The following RHBDL2 variants were observed in gnomAD, a reference collection of about 807,000 sequenced individuals.
RHBDL2 encodes the protein rhomboid-related protein 2.
RHBDL2 carries 26 observed loss-of-function variants against 31.7 expected under a neutral mutation model. The ratio of observed to expected loss-of-function variants is 0.82; its 90% CI spans 0.60 to 1.14. RHBDL2 has a LOEUF of 1.14. RHBDL2 is among the 50% of genes most tolerant of loss of function. The pLI is 0.00. For synonymous variants in RHBDL2, 123 were observed against 127.2 expected, an observed-to-expected ratio of 0.97 and a Z score of 0.22; for missense variants, 336 against 364.4, an observed-to-expected ratio of 0.92 and a Z score of 0.63.
chr1:38,923,105 A>G (rs1643334719), intron 1 of RHBDL2, among the ~76,000 whole-genome samples: 1 of 152,152 alleles, frequency 6.6e-6, no homozygotes, highest in South Asian at 2.1e-4. Flanking sequence ...AAAAGAAAAA[A>G]AAAAGGCTGA....
At chr1:38,902,201 C>CTTTTTTTTTTTT (rs770169792) in intron 4 of RHBDL2, among the ~76,000 whole-genome samples, 44 of 92,822 alleles carry the variant, frequency 4.7e-4, no homozygotes, top group South Asian at 8.5e-4. Flanking sequence ...TTTTCTTTTT[C>CTTTTTTTTTTTT]TTTTTTTTTT....
intron 4 of RHBDL2, among the ~76,000 whole-genome samples, chr1:38,907,203 CCAAA>C (rs1396249475): frequency 1.3e-5 from 2 of 152,124 alleles, no homozygotes; most frequent in African/African-American, 2.4e-5. Flanking sequence ...TATCTTCAGG[CCAAA>C]CAAACAAAAC....
At chr1:38,922,491 A>T (rs1570936724) in intron 1 of RHBDL2, among the ~76,000 whole-genome samples, 1 of 83,128 alleles carries the variant, frequency 1.2e-5, no homozygotes, top group African/African-American at 5.2e-5. Flanking sequence ...CTGGTCTCAA[A>T]CTCCTGGGCT....
chr1:38,903,941 T>C (rs1643027584), intron 4 of RHBDL2, among the ~76,000 whole-genome samples: 1 of 152,150 alleles, frequency 6.6e-6, no homozygotes, highest in African/African-American at 2.4e-5. Flanking sequence ...TCAACAAAGA[T>C]ACAAAAGCAA....
chr1:38,890,130 T>C (rs1422038429), intron 6 of RHBDL2, among the ~76,000 whole-genome samples: 1 of 151,774 alleles, frequency 6.6e-6, no homozygotes, highest in Non-Finnish European at 1.5e-5. Flanking sequence ...CTCCACCTCC[T>C]GGGTTCACGC....
chr1:38,910,443 A>T (rs1358854823), intron 4 of RHBDL2, among the ~76,000 whole-genome samples: 4 of 152,208 alleles, frequency 2.6e-5, no homozygotes, highest in Admixed American at 6.5e-5. Context: ...TTTTAAAAAA[A>T]TGTTTCCAAT....
chr1:38,901,325 G>T (rs1642985579), intron 4 of RHBDL2, among the ~76,000 whole-genome samples: 1 of 151,280 alleles, frequency 6.6e-6, no homozygotes, highest in South Asian at 2.1e-4. Context: ...AGCTGGGCTT[G>T]GTGGCAGGCA....
chr1:38,929,595 G>A (rs936986630), intron 1 of RHBDL2: 67 of 1,278,230 alleles, frequency 5.2e-5, no homozygotes, highest in African/African-American at 2.0e-4. Context: ...GGCCCCTGCC[G>A]GGGCTGAGAC....
chr1:38,921,749 T>C (rs892475467), intron 1 of RHBDL2, among the ~76,000 whole-genome samples: 4 of 152,210 alleles, frequency 2.6e-5, no homozygotes, highest in Admixed American at 6.6e-5. Flanking sequence ...TCCATAGATA[T>C]AACTCTTTTA....
intron 1 of RHBDL2, among the ~76,000 whole-genome samples, chr1:38,924,525 C>T (rs1034756809): frequency 2.6e-5 from 4 of 151,860 alleles, no homozygotes; most frequent in Admixed American, 1.3e-4. Flanking sequence ...ACCCAGGAGG[C>T]GGAGGTTGCA....
At chr1:38,938,166 C>T (rs923056341) in intron 1 of RHBDL2, among the ~76,000 whole-genome samples, 2 of 151,990 alleles carry the variant, frequency 1.3e-5, no homozygotes, top group African/African-American at 2.4e-5. Context: ...TACAGGTGCA[C>T]GCCACCATGC....
Position 38,911,468 on chromosome 1 carries a change from G to C in RHBDL2, c.396-34C>G, listed in dbSNP as rs764172858. On this transcript the variant is annotated intron_variant, in intron 3 of 7. Coordinates refer to ENST00000372990, the MANE Select transcript of RHBDL2 (RefSeq NM_017821.5). ...ACAAACAATAGTTGTCAAATATTAT[G>C]ACTAAACCAAGCAGTTATTTCCCTG... The C allele has an allele frequency of 4.7e-5, 66 of 1,400,134 alleles. No homozygotes were observed. The Admixed American group carries it at 1.1e-3, about 23-fold the overall frequency. 86.7% of individuals were successfully genotyped at this position (1,400,134 alleles called of 1,614,324 possible). A position where few individuals can be genotyped will look rare whatever the true frequency, so the allele number is the denominator to read the frequency against.
intron 1 of RHBDL2, among the ~76,000 whole-genome samples, chr1:38,929,891 AC>A (rs1439157361): frequency 6.6e-6 from 1 of 152,232 alleles, no homozygotes; most frequent in Non-Finnish European, 1.5e-5. Flanking sequence ...TTTCAATATT[AC>A]AGGTTTGTGG....
intron 1 of RHBDL2, among the ~76,000 whole-genome samples, chr1:38,936,217 T>C (rs976802851): frequency 4.6e-5 from 7 of 152,052 alleles, no homozygotes; most frequent in Non-Finnish European, 1.0e-4. Context: ...CAAATATTTT[T>C]ATTTCTTTAT....
chr1:38,889,499 T>C (rs1642828747), intron 6 of RHBDL2, among the ~76,000 whole-genome samples: 2 of 152,092 alleles, frequency 1.3e-5, no homozygotes, highest in Non-Finnish European at 2.9e-5. Context: ...ATTGTAGCAA[T>C]CGAAGTGAAG....
chr1:38,909,092 T>C (rs200209930), intron 4 of RHBDL2, among the ~76,000 whole-genome samples: 132 of 152,264 alleles, frequency 8.7e-4, no homozygotes, highest in Non-Finnish European at 1.7e-3. Context: ...TGTCATCTTC[T>C]GTCGATGTGT....
At chr1:38,908,360 A>G (rs1004074427) in intron 4 of RHBDL2, among the ~76,000 whole-genome samples, 4 of 151,714 alleles carry the variant, frequency 2.6e-5, no homozygotes, top group Non-Finnish European at 5.9e-5. Context: ...TAAAAATACA[A>G]AATTAGCCGG....
chr1:38,893,807 A>G (rs1642882228), intron 5 of RHBDL2, among the ~76,000 whole-genome samples: 1 of 152,026 alleles, frequency 6.6e-6, no homozygotes, highest in Non-Finnish European at 1.5e-5. Context: ...GGTGCAATCT[A>G]TAGCTCACTG....
At chr1:38,925,482 A>T (rs1165486043) in intron 1 of RHBDL2, among the ~76,000 whole-genome samples, 3 of 151,660 alleles carry the variant, frequency 2.0e-5, no homozygotes, top group Admixed American at 2.0e-4. Flanking sequence ...TTGCCACTGC[A>T]TTCCAGCCTG....
Sources: gnomAD v4.1 joint callset for allele counts (sites outside exome capture counted in the v4.1 genomes callset) on GRCh38, gnomAD v4.1.1 for gene constraint, MANE v1.5 for transcripts, NCBI Gene and HGNC (gene_info 2026-07-23, HGNC 2026-07-21) for gene names.